ATP8A1: variants seen among roughly 807,000 people sequenced by gnomAD.
ATP8A1 encodes ATPase phospholipid transporting 8A1.
ATP8A1 carries 90 observed loss-of-function variants against 177.7 expected under a neutral mutation model. That is an observed-to-expected ratio of 0.51 (90% CI 0.43 to 0.60). The LOEUF (loss-of-function observed/expected upper bound fraction) is 0.60, where lower values mean the gene tolerates loss of function less well. Among genes scored for constraint, ATP8A1 ranks in the 20% least tolerant of loss-of-function variants. The pLI, the probability that ATP8A1 is intolerant of heterozygous loss-of-function variation, is 0.00. For missense variants in ATP8A1, 1,072 were observed against 1,392.8 expected (o/e 0.77, Z 3.67); for synonymous variants, 493 against 485.9 (o/e 1.01, Z -0.19).
chr4:42,511,415 T>C (rs1223772426), intron 22 of ATP8A1, among the ~76,000 whole-genome samples: 1 of 152,164 alleles, frequency 6.6e-6, no homozygotes, highest in Non-Finnish European at 1.5e-5. Flanking sequence ...AAAATTCCCA[T>C]GGCATTTATG....
intron 22 of ATP8A1, among the ~76,000 whole-genome samples, chr4:42,519,430 C>A (rs1393031335): frequency 6.6e-6 from 1 of 152,146 alleles, no homozygotes; most frequent in Admixed American, 6.6e-5. Flanking sequence ...ATGATGTCTG[C>A]TCTCCTCCAA....
chr4:42,536,554 T>C (rs529799425), intron 20 of ATP8A1, among the ~76,000 whole-genome samples: 82 of 152,328 alleles, frequency 5.4e-4, no homozygotes, highest in Non-Finnish European at 9.8e-4. Flanking sequence ...CTATTGACAC[T>C]ATTCCAAAAG....
At chr4:42,497,029 T>C (rs781310242) in intron 24 of ATP8A1, among the ~76,000 whole-genome samples, 9 of 152,118 alleles carry the variant, frequency 5.9e-5, no homozygotes, top group Non-Finnish European at 1.3e-4. Flanking sequence ...GGATAAGTGT[T>C]GGATGGAGAA....
intron 1 of ATP8A1, among the ~76,000 whole-genome samples, chr4:42,629,420 T>C (rs994532478): frequency 4.6e-5 from 7 of 152,228 alleles, no homozygotes; most frequent in Non-Finnish European, 8.8e-5. Context: ...GCTGAATGTA[T>C]GCAGAACGCT....
At chr4:42,570,548 C>T (rs1188332873) in intron 14 of ATP8A1, among the ~76,000 whole-genome samples, 2 of 152,156 alleles carry the variant, frequency 1.3e-5, no homozygotes, top group Non-Finnish European at 2.9e-5. Context: ...TTTCCCAAGT[C>T]ATGCAGCTTA....
chr4:42,434,813 TCAGA>T (rs1430271527), intron 33 of ATP8A1, among the ~76,000 whole-genome samples: 1 of 152,172 alleles, frequency 6.6e-6, no homozygotes, highest in Non-Finnish European at 1.5e-5. Flanking sequence ...TGGCTAGAGC[TCAGA>T]CAGCCATTCT....
chr4:42,424,034 T>C (rs1210123862), intron 33 of ATP8A1, among the ~76,000 whole-genome samples: 2 of 152,166 alleles, frequency 1.3e-5, no homozygotes, highest in Non-Finnish European at 2.9e-5. Context: ...ATGACTACTG[T>C]ATAATCAAAT....
At chr4:42,480,270 G>A (rs1011041918) in intron 25 of ATP8A1, among the ~76,000 whole-genome samples, 47 of 152,220 alleles carry the variant, frequency 3.1e-4, no homozygotes, top group African/African-American at 1.1e-3. Flanking sequence ...AAAGGAGATG[G>A]ACAGGGCTGA....
chr4:42,558,749 T>C (rs1730509152), intron 15 of ATP8A1, among the ~76,000 whole-genome samples: 2 of 152,174 alleles, frequency 1.3e-5, no homozygotes, highest in Non-Finnish European at 2.9e-5. Context: ...ATTTTATAAA[T>C]GTACTAAAGA....
intron 22 of ATP8A1, among the ~76,000 whole-genome samples, chr4:42,508,745 T>C (rs1488270040): frequency 6.6e-6 from 1 of 152,262 alleles, no homozygotes; most frequent in Non-Finnish European, 1.5e-5. Context: ...TTTATCTTTC[T>C]TCTCAATCAT....
intron 22 of ATP8A1, among the ~76,000 whole-genome samples, chr4:42,514,339 T>C (rs758546910): frequency 2.6e-5 from 4 of 152,130 alleles, no homozygotes; most frequent in Non-Finnish European, 4.4e-5. Flanking sequence ...AAGACAGCAA[T>C]ACCCAGGGTG....
intron 20 of ATP8A1, among the ~76,000 whole-genome samples, chr4:42,526,108 A>G (rs1726642872): frequency 6.6e-6 from 1 of 152,184 alleles, no homozygotes; most frequent in Non-Finnish European, 1.5e-5. Flanking sequence ...TAAAATCATG[A>G]AAACAAAAGT....
intron 33 of ATP8A1, among the ~76,000 whole-genome samples, chr4:42,430,948 C>A (rs921724669): frequency 6.6e-6 from 1 of 151,974 alleles, no homozygotes; most frequent in Non-Finnish European, 1.5e-5. Flanking sequence ...GCACCCCACC[C>A]CACCCCATCC....
Position 42,528,398 on chromosome 4 carries a change from A to T in ATP8A1, c.1723-3551T>A, listed in dbSNP as rs549544142. Among the ~76,000 whole-genome samples, 11 of 152,302 alleles carry T rather than the reference A, an allele frequency of 7.2e-5. No individual in the cohort carries two copies. The East Asian group carries it at 1.2e-3, about 16-fold the overall frequency. On this transcript the variant is annotated intron_variant, in intron 20 of 36. Coordinates refer to ENST00000381668, the MANE Select transcript of ATP8A1 (RefSeq NM_006095.2). ...CCACCATCAAGGACTTGAAAGACGC[A>T]GGGGTGGTGATTCCCACCACATCCC...
chr4:42,516,050 T>C (rs1423096159), intron 22 of ATP8A1, among the ~76,000 whole-genome samples: 1 of 152,246 alleles, frequency 6.6e-6, no homozygotes, highest in Non-Finnish European at 1.5e-5. Flanking sequence ...ATTAAGCAAG[T>C]ACTTATTAAG....
chr4:42,507,728 T>C (rs1164660729), intron 22 of ATP8A1, among the ~76,000 whole-genome samples: 1 of 2,054 alleles, frequency 4.9e-4, no homozygotes, highest in Non-Finnish European at 1.2e-3. Flanking sequence ...AGACTCCATC[T>C]CAAAAAAAAA....
At chr4:42,644,490 A>G (rs1028797856) in intron 1 of ATP8A1, among the ~76,000 whole-genome samples, 1 of 152,276 alleles carries the variant, frequency 6.6e-6, no homozygotes, top group African/African-American at 2.4e-5. Flanking sequence ...TCTGCAAAGT[A>G]CAAATCACAT....
intron 30 of ATP8A1, among the ~76,000 whole-genome samples, chr4:42,449,294 A>G (rs1013792507): frequency 8.5e-5 from 13 of 152,222 alleles, no homozygotes; most frequent in Non-Finnish European, 2.9e-5. Flanking sequence ...ACAAAATATT[A>G]TTAAGATGGT....
At chr4:42,536,706 C>T (rs963403306) in intron 20 of ATP8A1, among the ~76,000 whole-genome samples, 5 of 152,176 alleles carry the variant, frequency 3.3e-5, no homozygotes, top group African/African-American at 9.7e-5. Context: ...ACAAAACTTG[C>T]TAACTGAATC....
Sources: allele counts gnomAD v4.1 joint callset (sites outside exome capture counted in the v4.1 genomes callset), GRCh38; gene constraint gnomAD v4.1.1; transcripts MANE v1.5; gene names NCBI Gene and HGNC (gene_info 2026-07-23, HGNC 2026-07-21).